Variants in CHIC1 observed in about 807,000 individuals in gnomAD.
The protein encoded by CHIC1 is cysteine-rich hydrophobic domain-containing protein 1.
CHIC1 carries 7 observed loss-of-function variants against 18.5 expected under a neutral mutation model. That is an observed-to-expected ratio of 0.38 (90% confidence interval 0.22 to 0.71). CHIC1 has a LOEUF of 0.71. CHIC1 is among the 30% of genes least tolerant of loss of function. The pLI is 0.49. For missense variants in CHIC1, 159 were observed against 176.9 expected (o/e 0.90, Z 0.57); for synonymous variants, 77 against 73.5 (o/e 1.05, Z -0.25).
At chrX:73,673,803 G>C (rs1164402778) in intron 3 of CHIC1, among the ~76,000 whole-genome samples, 1 of 111,957 alleles carries the variant, frequency 8.9e-6, no homozygotes, top group Non-Finnish European at 1.9e-5. Flanking sequence ...GGAATAGTGA[G>C]AGAGGGCATC....
At position 73,570,363 on chromosome X, in the gene CHIC1, TGACAATGAAGGAAG is replaced by T. The variant is rs780552648; in HGVS notation, c.296+6785_296+6798del. Among the ~76,000 whole-genome samples, 16 of 110,685 alleles carry T rather than the reference TGACAATGAAGGAAG, an allele frequency of 1.4e-4. No homozygotes were observed. The South Asian group carries it at 5.8e-3, about 40-fold the overall frequency. ...GCAAGGACAAGAGCCAATGTAGCAG[TGACAATGAAGGAAG>T]GGAACATTATGAGAATGATTTCAAA... On this transcript the variant is annotated intron_variant, in intron 1 of 5. Coordinates refer to ENST00000373502, the MANE Select transcript of CHIC1 (RefSeq NM_001039840.4).
rs2058114555 is a variant in CHIC1 at position 73,684,828 on chromosome X, T to C, written c.*3823T>C. 9.0e-6 allele frequency: 1 copy of C among 111,581 alleles called. No individual in the cohort carries two copies. Among genetic ancestry groups the C allele is most frequent in the Admixed American group, 9.6e-5 (1 of 10,418 alleles). The allele number at this position is 111,581 out of a possible 1,213,427, so 9.2% of individuals were successfully genotyped here. On this transcript the variant is annotated 3_prime_UTR_variant, in exon 6 of 6. Transcript: ENST00000373502. Reference sequence around the variant, plus strand: ...TGGACTAAAACAATTGATATATATCTGTATGTAAAAATGAATGATCTTATC... The same window carrying C: ...TGGACTAAAACAATTGATATATATCCGTATGTAAAAATGAATGATCTTATC...
chrX:73,662,835 G>T (rs2057987207), intron 3 of CHIC1, among the ~76,000 whole-genome samples: 1 of 110,685 alleles, frequency 9.0e-6, no homozygotes, highest in South Asian at 3.9e-4. Context: ...GGCTTATTGG[G>T]GCTGCTAGTA....
intron 3 of CHIC1, among the ~76,000 whole-genome samples, chrX:73,672,508 T>C (rs1199921905): frequency 8.9e-6 from 1 of 112,673 alleles, no homozygotes; most frequent in African/African-American, 3.2e-5. Context: ...TTTGCATTTC[T>C]CTGATGGCCA....
intron 3 of CHIC1, among the ~76,000 whole-genome samples, chrX:73,644,393 C>T (rs1007243253): frequency 2.9e-4 from 33 of 112,047 alleles, no homozygotes; most frequent in African/African-American, 1.1e-3. Context: ...CTGGGAGAAC[C>T]ACTACTCTCT....
chrX:73,597,111 C>T (rs1456471171), intron 3 of CHIC1, among the ~76,000 whole-genome samples: 1 of 111,983 alleles, frequency 8.9e-6, no homozygotes, highest in African/African-American at 3.2e-5. Context: ...ACCAGCAATG[C>T]AGAAGAGTTC....
intron 3 of CHIC1, among the ~76,000 whole-genome samples, chrX:73,605,052 G>A (rs1029300840): frequency 1.9e-5 from 2 of 107,642 alleles, no homozygotes; most frequent in Non-Finnish European, 3.8e-5. Context: ...CTTGAATATC[G>A]TTCTTAATTT....
rs1371039653 is a variant in CHIC1, at chrX:73,587,886, T to C, written c.507+3314T>C. ...TACTGTCTTTGAACCTTTTAATTTA[T>C]GTGTCAACCTTGAGTCATTTGAGCC... On this transcript the variant is annotated intron_variant, in intron 3 of 5. Transcript: ENST00000373502. Among the ~76,000 whole-genome samples, 18 of 111,532 alleles carry C rather than the reference T, an allele frequency of 1.6e-4. No individual in the cohort carries two copies. In the Admixed American group the frequency reaches 1.6e-3, roughly 10 times the overall value.
intron 3 of CHIC1, among the ~76,000 whole-genome samples, chrX:73,635,538 C>G (rs2057827842): frequency 9.0e-6 from 1 of 111,433 alleles, no homozygotes; most frequent in African/African-American, 3.3e-5. Flanking sequence ...AATCATCTTA[C>G]TACCTATTGT....
intron 3 of CHIC1, among the ~76,000 whole-genome samples, chrX:73,592,757 G>C (rs1229282621): frequency 9.1e-6 from 1 of 110,138 alleles, no homozygotes; most frequent in African/African-American, 3.3e-5. Context: ...CTATTTTTTG[G>C]AATAATTTTA....
chrX:73,664,001 T>C (rs1465360892), intron 3 of CHIC1, among the ~76,000 whole-genome samples: 1 of 111,397 alleles, frequency 9.0e-6, no homozygotes, highest in Non-Finnish European at 1.9e-5. Flanking sequence ...GCAACCCTTT[T>C]AGGGTCTTCT....
intron 3 of CHIC1, among the ~76,000 whole-genome samples, chrX:73,649,611 A>G (rs973422579): frequency 2.1e-4 from 24 of 112,245 alleles, no homozygotes; most frequent in Non-Finnish European, 1.7e-4. Context: ...ACATAATGCT[A>G]AAAGGATCAA....
chrX:73,563,171 A>G (rs2057423977), upstream of CHIC1: 1 of 586,218 alleles, frequency 1.7e-6, no homozygotes, highest in Admixed American at 1.3e-4. Flanking sequence ...GTCTCCTCAA[A>G]TCCTGTCCCT....
chrX:73,654,970 C>G (rs2057934915), intron 3 of CHIC1, among the ~76,000 whole-genome samples: 1 of 110,456 alleles, frequency 9.1e-6, no homozygotes, highest in Non-Finnish European at 1.9e-5. Context: ...TAAATGTGTG[C>G]CATGATGGTT....
intron 1 of CHIC1, among the ~76,000 whole-genome samples, chrX:73,569,706 G>C (rs941860461): frequency 9.0e-6 from 1 of 111,450 alleles, no homozygotes; most frequent in Non-Finnish European, 1.9e-5. Flanking sequence ...TAGCTGCTAA[G>C]TGAAATGTAC....
rs757043038 is a variant in CHIC1 at position 73,604,966 on chromosome X, A to G, written c.507+20394A>G. ...ATTGTGATGTGGTGCTGAGAAAAAT[A>G]TATATTCTGTTGACTTGGGGTGGAG... On this transcript the variant is annotated intron_variant, in intron 3 of 5. Transcript: ENST00000373502. 6.2e-4 allele frequency among the ~76,000 whole-genome samples: 68 copies of G among 108,917 alleles called. 1 individual carries two copies. Among genetic ancestry groups the G allele is most frequent in the Non-Finnish European group, 1.0e-3 (54 of 53,172 alleles). The allele number at this position is 108,917 out of a possible 115,157, so 94.6% of individuals were successfully genotyped here.
rs1013734079 is a variant in CHIC1, at chrX:73,610,650, G to C, written c.507+26078G>C. On this transcript the variant is annotated intron_variant, in intron 3 of 5. Transcript: ENST00000373502. Reference sequence around the variant, plus strand: ...TTTTTTGAATAGTTTGTGATGAATTGGTGTTAGTTTTTATTTGATAGTTTG... The same window carrying C: ...TTTTTTGAATAGTTTGTGATGAATTCGTGTTAGTTTTTATTTGATAGTTTG... 2.8e-5 allele frequency among the ~76,000 whole-genome samples: 3 copies of C among 108,705 alleles called. 1 individual carries two copies. Among genetic ancestry groups the C allele is most frequent in the African/African-American group, 1.1e-4 (3 of 27,931 alleles). The allele number at this position is 108,705 out of a possible 115,157, so 94.4% of individuals were successfully genotyped here. A position where few individuals can be genotyped will look rare whatever the true frequency, so the allele number is the denominator to read the frequency against.
At chrX:73,620,312 A>G (rs773392031) in intron 3 of CHIC1, among the ~76,000 whole-genome samples, 7 of 110,960 alleles carry the variant, frequency 6.3e-5, no homozygotes, top group African/African-American at 2.3e-4. Flanking sequence ...ACTAATTTAC[A>G]CTCCCACCAA....
At chrX:73,662,984 G>A (rs1409673675) in intron 3 of CHIC1, among the ~76,000 whole-genome samples, 2 of 111,777 alleles carry the variant, frequency 1.8e-5, no homozygotes, top group Non-Finnish European at 3.8e-5. Context: ...TGAAATTGGC[G>A]AGCTGGCCTT....
Sources: gnomAD v4.1 joint callset for allele counts (sites outside exome capture counted in the v4.1 genomes callset) on GRCh38, gnomAD v4.1.1 for gene constraint, MANE v1.5 for transcripts, NCBI Gene and HGNC (gene_info 2026-07-23, HGNC 2026-07-21) for gene names.